Variants in STK33 observed in about 807,000 individuals in gnomAD.
The protein encoded by STK33 is serine/threonine-protein kinase 33.
STK33 carries 52 observed loss-of-function variants against 58.0 expected under a neutral mutation model. The ratio of observed to expected loss-of-function variants is 0.90; its 90% CI spans 0.72 to 1.13. The LOEUF (loss-of-function observed/expected upper bound fraction) is 1.13, where lower values mean the gene tolerates loss of function less well. STK33 is among the 50% of genes most tolerant of loss of function. STK33 has a pLI of 0.00. For synonymous variants in STK33, 215 were observed against 200.1 expected, an observed-to-expected ratio of 1.07 and a Z score of -0.63; for missense variants, 630 against 604.2, an observed-to-expected ratio of 1.04 and a Z score of -0.45.
chr11:8,461,978 A>AT, intron 7 of STK33, 69 bp from the exon 8 acceptor site: 1 of 1,245,396 alleles, frequency 8.0e-7, no homozygotes, highest in Middle Eastern at 2.2e-4. Context: ...TAGAAAAGTT[A>AT]TTTTATGTTT....
intron 1 of STK33, among the ~76,000 whole-genome samples, chr11:8,535,123 G>A (rs1181228963): frequency 6.6e-6 from 1 of 152,036 alleles, no homozygotes; most frequent in African/African-American, 2.4e-5. Flanking sequence ...GACTGCTTGG[G>A]TATGAACGTG....
At chr11:8,568,383 A>C (rs1361253075) in intron 1 of STK33, among the ~76,000 whole-genome samples, 1 of 152,174 alleles carries the variant, frequency 6.6e-6, no homozygotes, top group South Asian at 2.1e-4. Flanking sequence ...TGTAACTGGG[A>C]TCATAAATCG....
chr11:8,501,979 T>G (rs1005252820), intron 1 of STK33, among the ~76,000 whole-genome samples: 2 of 152,060 alleles, frequency 1.3e-5, no homozygotes, highest in Non-Finnish European at 2.9e-5. Flanking sequence ...ATGTCCAGAA[T>G]AGGCAAATCA....
chr11:8,528,834 A>T (rs2140071923), intron 1 of STK33, among the ~76,000 whole-genome samples: 1 of 152,350 alleles, frequency 6.6e-6, no homozygotes, highest in Middle Eastern at 3.4e-3. Flanking sequence ...AAGACAAACC[A>T]AAATGTTTGC....
chr11:8,478,523 T>C (rs565472735), intron 2 of STK33, among the ~76,000 whole-genome samples: 1 of 152,216 alleles, frequency 6.6e-6, no homozygotes, highest in African/African-American at 2.4e-5. Flanking sequence ...TGAAAATCCC[T>C]GGGCTTTAAT....
chr11:8,464,703 C>A lies in STK33; in HGVS notation c.453+6G>T, dbSNP rs1427122343. ...CCCTCAGTAGGATGCTGCTAATGAGCCTTACCTTTTCTTTGTTCACTTTTT... is the reference window on the plus strand; with the variant it reads ...CCCTCAGTAGGATGCTGCTAATGAGACTTACCTTTTCTTTGTTCACTTTTT... On this transcript the variant is annotated splice_donor_region_variant and intron_variant, in intron 7 of 15. Transcript: ENST00000687296. 6.2e-6 allele frequency: 10 copies of A among 1,605,042 alleles called. No homozygotes were observed. The East Asian group carries it at 2.2e-4, about 36-fold the overall frequency.
intron 2 of STK33, among the ~76,000 whole-genome samples, 171 bp downstream of exon 2, chr11:8,480,238 GT>G (rs975960394): frequency 6.6e-6 from 1 of 152,194 alleles, no homozygotes; most frequent in Non-Finnish European, 1.5e-5. Context: ...AAGTGTTTGA[GT>G]AGAGGCTGGA....
At chr11:8,451,227 T>G (rs1205436510) in intron 11 of STK33, among the ~76,000 whole-genome samples, 1 of 152,212 alleles carries the variant, frequency 6.6e-6, no homozygotes, top group Non-Finnish European at 1.5e-5. Context: ...TCTTAGTAAC[T>G]AATTCTAAAA....
At chr11:8,361,595 T>C in the STK33 span, among the ~76,000 whole-genome samples, 19 of 152,304 alleles carry the variant, frequency 1.2e-4, no homozygotes, top group Middle Eastern at 3.4e-3. This position sits in a 1 kb window ranked among gnomAD's most constrained non-coding sequence, Gnocchi z 4.8. Flanking sequence ...TCCTCCCCTC[T>C]GAGCTCTGGG....
intron 1 of STK33, among the ~76,000 whole-genome samples, chr11:8,522,818 T>A (rs937266042): frequency 1.3e-5 from 2 of 152,116 alleles, no homozygotes; most frequent in African/African-American, 4.8e-5. Flanking sequence ...GTCTCCCCTT[T>A]CCACGGTCTC....
At chr11:8,372,970 C>T in the STK33 span, among the ~76,000 whole-genome samples, 3 of 152,208 alleles carry the variant, frequency 2.0e-5, no homozygotes, top group African/African-American at 7.2e-5. Flanking sequence ...AGACCCCATG[C>T]AGCAGGGAGG....
Position 8,533,922 on chromosome 11 carries a change from C to T in STK33, c.-465-53308G>A, listed in dbSNP as rs147725503. ...GAAATGTATCAACAAAGCAAGGTAACTTCAAATTGTATCTAGCATGGAAGC... is the reference window on the plus strand; with the variant it reads ...GAAATGTATCAACAAAGCAAGGTAATTTCAAATTGTATCTAGCATGGAAGC... On this transcript the variant is annotated intron_variant, in intron 1 of 15. Coordinates refer to ENST00000687296, the MANE Select transcript of STK33 (RefSeq NM_001352389.2). Among the ~76,000 whole-genome samples, 596 of 152,216 alleles carry T rather than the reference C, an allele frequency of 3.9e-3. 2 individuals carry two copies. Among genetic ancestry groups the T allele is most frequent in the African/African-American group, 0.013 (552 of 41,528 alleles).
intron 1 of STK33, among the ~76,000 whole-genome samples, chr11:8,584,857 G>A (rs2031200537): frequency 6.6e-6 from 1 of 152,058 alleles, no homozygotes; most frequent in Non-Finnish European, 1.5e-5. Flanking sequence ...TGAAGACAAT[G>A]AGGAAGGCAA....
intron 12 of STK33, among the ~76,000 whole-genome samples, chr11:8,440,328 C>A (rs1021152745): frequency 6.6e-6 from 1 of 152,104 alleles, no homozygotes; most frequent in Non-Finnish European, 1.5e-5. Context: ...CACAGTACCT[C>A]CCTACACCTG....
intron 12 of STK33, among the ~76,000 whole-genome samples, chr11:8,438,777 A>T (rs2136334029): frequency 6.6e-6 from 1 of 152,336 alleles, no homozygotes; most frequent in East Asian, 1.9e-4. Context: ...GGTTTCTAGA[A>T]AGTCTTCAGA....
intron 8 of STK33, among the ~76,000 whole-genome samples, chr11:8,458,988 C>A (rs1210340365): frequency 6.6e-6 from 1 of 152,148 alleles, no homozygotes; most frequent in African/African-American, 2.4e-5. Context: ...ACTGCAAAAT[C>A]TAACACATAA....
the STK33 span, among the ~76,000 whole-genome samples, chr11:8,335,578 T>G: frequency 6.6e-6 from 1 of 152,188 alleles, no homozygotes; most frequent in East Asian, 1.9e-4. Flanking sequence ...TCTCATAACA[T>G]AGACGCCTCA....
the STK33 span, among the ~76,000 whole-genome samples, chr11:8,385,285 C>G: frequency 6.6e-6 from 1 of 152,356 alleles, no homozygotes; most frequent in Middle Eastern, 3.4e-3. Context: ...CCTTTAAACA[C>G]ATAATCAGAC....
At position 8,392,568 on chromosome 11, in the gene STK33, G is replaced by A. The variant is rs376097595; in HGVS notation, c.1487C>T (p.Thr496Ile). The A allele has an allele frequency of 1.9e-6, 3 of 1,614,124 alleles. No individual in the cohort carries two copies. Among genetic ancestry groups the A allele is most frequent in the African/African-American group, 1.3e-5 (1 of 74,942 alleles). ...EKTPVTPSQG[T>I]ATKYPAKSGA... ...GGATTTAGCAGGGTACTTGGTTGCT[G>A]TTCCTTGGCTTGGAGTCACAGGGGT... The change falls in exon 16 of 16, where the codon ACA becomes ATA. Residue 496 changes from threonine (T) to isoleucine (I), a missense_variant. Physicochemically the swap from Thr to Ile is moderately conservative, Grantham distance 89. Coordinates refer to ENST00000687296, the MANE Select transcript of STK33 (RefSeq NM_001352389.2).
Sources: gnomAD v4.1 joint callset for allele counts (sites outside exome capture counted in the v4.1 genomes callset) on GRCh38, gnomAD v4.1.1 for gene constraint, Gnocchi (gnomAD v3.1) non-coding constraint, MANE v1.5 for transcripts, NCBI Gene and HGNC (gene_info 2026-07-23, HGNC 2026-07-21) for gene names.